The following PPP2R1B variants were observed in gnomAD, a reference collection of about 807,000 sequenced individuals.
PPP2R1B encodes protein phosphatase 2 scaffold subunit Abeta.
PPP2R1B carries 58 observed loss-of-function variants against 72.7 expected under a neutral mutation model. The observed-to-expected ratio is 0.80, with a 90% CI of 0.65 to 0.99. The LOEUF (loss-of-function observed/expected upper bound fraction) is 0.99, where lower values mean the gene tolerates loss of function less well. Among genes scored for constraint, PPP2R1B ranks in the 50% least tolerant of loss-of-function variants. The pLI is 0.00. For missense variants in PPP2R1B, 695 were observed against 733.6 expected (o/e 0.95, Z 0.61); for synonymous variants, 256 against 264.6 (o/e 0.97, Z 0.32).
chr11:111,716,249 CTTTT>C, the PPP2R1B span, among the ~76,000 whole-genome samples: 1 of 152,208 alleles, frequency 6.6e-6, no homozygotes, highest in Non-Finnish European at 1.5e-5. Context: ...TTTTTAATAA[CTTTT>C]TTTATGACAA....
the PPP2R1B span, among the ~76,000 whole-genome samples, chr11:111,710,616 G>A: frequency 6.6e-6 from 1 of 152,222 alleles, no homozygotes; most frequent in Admixed American, 6.5e-5. Context: ...GTGATCATTT[G>A]AAGGCTTTAG....
the PPP2R1B span, among the ~76,000 whole-genome samples, chr11:111,707,735 T>C: frequency 1.1e-4 from 16 of 152,318 alleles, no homozygotes; most frequent in African/African-American, 3.8e-4. Flanking sequence ...TTAAAAGAAG[T>C]GGCAAATCAC....
In PPP2R1B at chr11:111,742,794, G is replaced by A. The variant is rs902606818; in HGVS notation, c.1555-129C>T. The stretch of plus-strand genomic sequence containing the variant: ...ATATTTCTAGTTTGAGCAGCTGAGT[G>A]GGGGACACAAGAATCATTCAAATGA... On this transcript the variant is annotated intron_variant, in intron 12 of 14. Coordinates refer to ENST00000527614, the MANE Select transcript of PPP2R1B (RefSeq NM_002716.5). 5.2e-5 allele frequency: 41 copies of A among 790,960 alleles called. 1 individual carries two copies. In the South Asian group the frequency reaches 1.1e-3, roughly 21 times the overall value. 49.0% of individuals were successfully genotyped at this position (790,960 alleles called of 1,614,324 possible).
At chr11:111,757,595 G>A (rs1945171052) in intron 5 of PPP2R1B, among the ~76,000 whole-genome samples, 2 of 151,968 alleles carry the variant, frequency 1.3e-5, no homozygotes, top group Admixed American at 6.6e-5. Context: ...CAGCACTTTG[G>A]GAGGCCAAGG....
At chr11:111,737,688 A>T, downstream of PPP2R1B, 4 of 1,525,138 alleles carry the variant, frequency 2.6e-6, no homozygotes, top group Non-Finnish European at 2.7e-6. Flanking sequence ...GGTGTCCAGC[A>T]GCAGCCTACA....
At chr11:111,693,098 C>T in the PPP2R1B span, among the ~76,000 whole-genome samples, 2 of 152,050 alleles carry the variant, frequency 1.3e-5, no homozygotes, top group Non-Finnish European at 2.9e-5. Context: ...CTTTGAGGGG[C>T]CAAGGTGGGC....
At chr11:111,717,662 A>G in the PPP2R1B span, among the ~76,000 whole-genome samples, 6 of 152,232 alleles carry the variant, frequency 3.9e-5, 1 homozygote, top group South Asian at 4.1e-4. Context: ...TTGCAGCTCT[A>G]TTCACAACAG....
chr11:111,758,740 T>C (rs1361119215), intron 5 of PPP2R1B, among the ~76,000 whole-genome samples: 1 of 152,190 alleles, frequency 6.6e-6, no homozygotes, highest in African/African-American at 2.4e-5. Flanking sequence ...GGAGGGATTC[T>C]GGGATAGTGG....
At chr11:111,725,406 A>G (rs114743715), downstream of PPP2R1B, 241 of 152,734 alleles carry the variant, frequency 1.6e-3, 2 homozygotes, top group African/African-American at 5.7e-3. Context: ...CAAACATTAT[A>G]TTACTAATAA....
Position 111,741,437 on chromosome 11 carries a change from T to C in PPP2R1B, c.*159A>G. ...GTAAAAAACAATCCCATTTCATCTT[T>C]AGAAAGAATTAAGTCACTAAATGAT... On this transcript the variant is annotated 3_prime_UTR_variant, in exon 15 of 15. Coordinates refer to ENST00000527614, the MANE Select transcript of PPP2R1B (RefSeq NM_002716.5). The C allele has an allele frequency of 1.4e-6, 2 of 1,434,058 alleles. No individual in the cohort carries two copies. The highest frequency in any genetic ancestry group is 1.8e-6 in the Non-Finnish European group (2 of 1,095,922). 88.8% of individuals were successfully genotyped at this position (1,434,058 alleles called of 1,614,324 possible).
chr11:111,696,870 G>T, the PPP2R1B span, among the ~76,000 whole-genome samples: 2 of 152,118 alleles, frequency 1.3e-5, no homozygotes, highest in African/African-American at 4.8e-5. Context: ...AATAAATCCT[G>T]CATTTTCACA....
chr11:111,715,115 T>C, the PPP2R1B span, among the ~76,000 whole-genome samples: 2 of 152,184 alleles, frequency 1.3e-5, no homozygotes, highest in East Asian at 1.9e-4. Context: ...AGGAGCTAGA[T>C]GGTATATTTG....
chr11:111,766,100 C>T, intron 1 of PPP2R1B, 148 bp downstream of exon 1: 2 of 746,650 alleles, frequency 2.7e-6, no homozygotes, highest in Non-Finnish European at 4.4e-6. Context: ...CAGCCCCTCG[C>T]GGAGCATTCC....
chr11:111,719,287 A>G, the PPP2R1B span, among the ~76,000 whole-genome samples: 38 of 152,174 alleles, frequency 2.5e-4, no homozygotes, highest in Non-Finnish European at 4.7e-4. Flanking sequence ...AATTTTGAAC[A>G]TAAAAGTCTT....
At chr11:111,701,418 G>A in the PPP2R1B span, 1 of 1,598,936 alleles carries the variant, frequency 6.3e-7, no homozygotes, top group Non-Finnish European at 8.5e-7. This position sits in a 1 kb window ranked among gnomAD's most constrained non-coding sequence, Gnocchi z 4.2. Context: ...TGACGTTCTT[G>A]GTAGAAAAGT....
At chr11:111,745,869 G>T (rs1419043858) in intron 11 of PPP2R1B, among the ~76,000 whole-genome samples, 1 of 152,182 alleles carries the variant, frequency 6.6e-6, no homozygotes, top group African/African-American at 2.4e-5. Context: ...CTGATCCAGT[G>T]ATCATTATAT....
chr11:111,713,617 G>C, the PPP2R1B span, among the ~76,000 whole-genome samples: 1 of 152,148 alleles, frequency 6.6e-6, no homozygotes, highest in Non-Finnish European at 1.5e-5. Context: ...CTATAGCCTA[G>C]CAGAAGAAAC....
chr11:111,737,375 C>A, downstream of PPP2R1B: 1 of 1,608,420 alleles, frequency 6.2e-7, no homozygotes, highest in Middle Eastern at 1.7e-4. Context: ...GTGGCAGCTC[C>A]CTGCACACCA....
At chr11:111,764,980 C>T (rs1215118128) in intron 2 of PPP2R1B, 75 bp from the exon 3 acceptor site, 1 of 1,570,868 alleles carries the variant, frequency 6.4e-7, no homozygotes, top group African/African-American at 1.4e-5. Flanking sequence ...AAACTAGGAA[C>T]AGATTCACTA....
Sources: gnomAD v4.1 joint callset for allele counts (sites outside exome capture counted in the v4.1 genomes callset) on GRCh38, gnomAD v4.1.1 for gene constraint, Gnocchi (gnomAD v3.1) non-coding constraint, MANE v1.5 for transcripts, NCBI Gene and HGNC (gene_info 2026-07-23, HGNC 2026-07-21) for gene names.